Variants in CTNNA3 observed in about 807,000 individuals in gnomAD.
CTNNA3 encodes catenin alpha 3.
In CTNNA3, 76 loss-of-function variants were observed where a neutral mutation model predicts 95.7. The observed-to-expected ratio is 0.79, with a 90% confidence interval of 0.66 to 0.96. The LOEUF (loss-of-function observed/expected upper bound fraction) is 0.96, where lower values mean the gene tolerates loss of function less well. CTNNA3 is among the 40% of genes least tolerant of loss of function. The probability of loss-of-function intolerance (pLI) is 0.00; values close to 1 mark genes in which losing one functional copy is unlikely to be tolerated. For missense variants in CTNNA3, 1,191 were observed against 1,089.8 expected (o/e 1.09, Z -1.31); for synonymous variants, 431 against 374.4 (o/e 1.15, Z -1.74).
At chr10:66,479,889 A>C (rs74911637) in intron 11 of CTNNA3, among the ~76,000 whole-genome samples, 5,518 of 151,992 alleles carry the variant, frequency 0.036, 357 homozygotes, top group African/African-American at 0.13. Context: ...CTTTCTGCAC[A>C]TTCTCATCAA....
At chr10:67,284,139 A>G (rs773584375) in intron 5 of CTNNA3, among the ~76,000 whole-genome samples, 19 of 152,196 alleles carry the variant, frequency 1.2e-4, no homozygotes, top group Non-Finnish European at 2.4e-4. Flanking sequence ...AAATTAAAAC[A>G]CCACAAAAAT....
At chr10:67,302,415 G>T (rs1840365224) in intron 5 of CTNNA3, among the ~76,000 whole-genome samples, 1 of 152,144 alleles carries the variant, frequency 6.6e-6, no homozygotes. Context: ...TAAGAAAATA[G>T]ATTTTAAGTG....
chr10:67,365,585 C>T (rs1222228950), intron 5 of CTNNA3, among the ~76,000 whole-genome samples: 2 of 152,148 alleles, frequency 1.3e-5, no homozygotes, highest in African/African-American at 4.8e-5. Context: ...AGACTTTTCT[C>T]AAAAGAAGAC....
At chr10:67,448,198 C>T (rs1846827146) in intron 5 of CTNNA3, among the ~76,000 whole-genome samples, 2 of 152,008 alleles carry the variant, frequency 1.3e-5, no homozygotes, top group South Asian at 2.1e-4. Context: ...GGGAGGAGAG[C>T]AGGGAAAGGG....
In CTNNA3 at chr10:66,346,512, C is replaced by T. The variant is rs530355457; in HGVS notation, c.1732+32640G>A. ...CTGGATGGTCTTGATCTTTTGACCTCGTGATCTGCCTGCCTCGGCCTCCCA... is the reference window on the plus strand; with the variant it reads ...CTGGATGGTCTTGATCTTTTGACCTTGTGATCTGCCTGCCTCGGCCTCCCA... On this transcript the variant is annotated intron_variant, in intron 12 of 17. Coordinates refer to ENST00000433211, the MANE Select transcript of CTNNA3 (RefSeq NM_013266.4). 3.9e-5 allele frequency among the ~76,000 whole-genome samples: 6 copies of T among 152,042 alleles called. No individual in the cohort carries two copies. In the East Asian group the frequency reaches 5.8e-4, roughly 15 times the overall value.
intron 7 of CTNNA3, chr10:67,052,777 A>G (rs1855192066): frequency 6.6e-6 from 1 of 152,206 alleles, no homozygotes; most frequent in African/African-American, 2.4e-5. Flanking sequence ...GAAACAAACA[A>G]AGTTTACAAA....
intron 7 of CTNNA3, among the ~76,000 whole-genome samples, chr10:67,031,752 A>G (rs948313692): frequency 6.6e-6 from 1 of 152,166 alleles, no homozygotes. Context: ...TGTGTTAAAG[A>G]TCTAAGAAAT....
chr10:67,192,870 T>C (rs896166191), intron 6 of CTNNA3, among the ~76,000 whole-genome samples: 1 of 151,810 alleles, frequency 6.6e-6, no homozygotes, highest in Non-Finnish European at 1.5e-5. Flanking sequence ...AATGAATGAA[T>C]AAAGAAATGG....
In CTNNA3 at chr10:66,419,078, A is replaced by T. The variant is rs74921864; in HGVS notation, c.1532-39726T>A. Among the ~76,000 whole-genome samples the T allele has an allele frequency of 2.6e-4, 39 of 152,250 alleles. No individual in the cohort carries two copies. The East Asian group carries it at 6.6e-3, about 26-fold the overall frequency. On this transcript the variant is annotated intron_variant, in intron 11 of 17. Transcript: ENST00000433211. Reference sequence around the variant, plus strand: ...ATCCAGATTCAAAAAGAGAAAGTCAAATTGTCCCTCTTTGCAGATGACATG... The same window carrying T: ...ATCCAGATTCAAAAAGAGAAAGTCATATTGTCCCTCTTTGCAGATGACATG...
At chr10:66,968,626 C>T (rs896779150) in intron 7 of CTNNA3, among the ~76,000 whole-genome samples, 1 of 152,000 alleles carries the variant, frequency 6.6e-6, no homozygotes, top group Non-Finnish European at 1.5e-5. Flanking sequence ...ACACTCAATA[C>T]ATATTCATTA....
chr10:66,928,548 C>A lies in CTNNA3; in HGVS notation c.1048-153024G>T, dbSNP rs967047461. On this transcript the variant is annotated intron_variant, in intron 7 of 17. Transcript: ENST00000433211. ...ACTATCAAGGGAACGCGATGCCCCCCCTCCCCTTCCCTCTCCCTCTCACTT... is the reference window on the plus strand; with the variant it reads ...ACTATCAAGGGAACGCGATGCCCCCACTCCCCTTCCCTCTCCCTCTCACTT... 1.2e-5 allele frequency: 13 copies of A among 1,105,620 alleles called. No individual in the cohort carries two copies. The African/African-American group carries it at 1.4e-4, about 12-fold the overall frequency. The allele number at this position is 1,105,620 out of a possible 1,614,324, so 68.5% of individuals were successfully genotyped here.
intron 15 of CTNNA3, among the ~76,000 whole-genome samples, chr10:66,054,648 A>C (rs1283593569): frequency 6.6e-6 from 1 of 152,094 alleles, no homozygotes; most frequent in Non-Finnish European, 1.5e-5. Context: ...TCATTGGCAA[A>C]TATTTTTTTC....
intron 7 of CTNNA3, among the ~76,000 whole-genome samples, chr10:66,839,224 A>G (rs768298666): frequency 6.6e-6 from 1 of 152,126 alleles, no homozygotes; most frequent in Non-Finnish European, 1.5e-5. Flanking sequence ...GATTCTCTTT[A>G]TTCTGTGACA....
intron 5 of CTNNA3, among the ~76,000 whole-genome samples, chr10:67,360,559 G>C (rs1160911184): frequency 6.6e-6 from 1 of 152,082 alleles, no homozygotes; most frequent in African/African-American, 2.4e-5. Flanking sequence ...GAATACCTGA[G>C]ACTGGGTAAT....
chr10:67,469,009 G>A (rs1280361167), intron 5 of CTNNA3, among the ~76,000 whole-genome samples: 2 of 152,142 alleles, frequency 1.3e-5, no homozygotes, highest in African/African-American at 4.8e-5. Context: ...AGGCAGATGG[G>A]TACATCTTAC....
At chr10:66,234,951 C>A (rs1007038486) in intron 13 of CTNNA3, among the ~76,000 whole-genome samples, 2 of 152,296 alleles carry the variant, frequency 1.3e-5, no homozygotes, top group African/African-American at 4.8e-5. Context: ...TTCTTTGGAT[C>A]AGCACATATG....
At chr10:66,489,656 C>T (rs1317987531) in intron 11 of CTNNA3, among the ~76,000 whole-genome samples, 1 of 152,132 alleles carries the variant, frequency 6.6e-6, no homozygotes, top group Non-Finnish European at 1.5e-5. Flanking sequence ...TGAAGCCTTC[C>T]CTCTCCTTTA....
chr10:67,005,772 G>A (rs1450962712), intron 7 of CTNNA3, among the ~76,000 whole-genome samples: 30 of 129,086 alleles, frequency 2.3e-4, no homozygotes, highest in Admixed American at 2.2e-3. Context: ...TGCAACCTCC[G>A]CCTCCCAGGT....
At chr10:67,445,775 T>A (rs1846722408) in intron 5 of CTNNA3, among the ~76,000 whole-genome samples, 2 of 152,216 alleles carry the variant, frequency 1.3e-5, no homozygotes, top group African/African-American at 4.8e-5. Context: ...ATGTTTGAGA[T>A]ATACAATTAT....
Sources: gnomAD v4.1 joint callset for allele counts (sites outside exome capture counted in the v4.1 genomes callset) on GRCh38, gnomAD v4.1.1 for gene constraint, MANE v1.5 for transcripts, NCBI Gene and HGNC (gene_info 2026-07-23, HGNC 2026-07-21) for gene names.